The following DNAH14 variants were observed in gnomAD, a reference collection of about 807,000 sequenced individuals.
DNAH14 encodes the protein dynein axonemal heavy chain 14, also known as axonemal beta dynein heavy chain 14.
Under a neutral mutation model 520.9 loss-of-function variants are expected in DNAH14, and 478 were observed. The observed-to-expected ratio is 0.92, with a 90% CI of 0.85 to 0.99. DNAH14 has a LOEUF of 0.99. Ranked by LOEUF, DNAH14 falls within the 50% of genes least tolerant of loss-of-function variation. DNAH14 has a pLI of 0.00. For missense variants in DNAH14, 4,831 were observed against 5,234.5 expected (o/e 0.92, Z 2.38); for synonymous variants, 1,581 against 1,757.2 (o/e 0.90, Z 2.51).
At chr1:224,960,131 T>C (rs1222080611) in intron 3 of DNAH14, 22 bp from the exon 4 acceptor site, 1 of 1,550,168 alleles carries the variant, frequency 6.5e-7, no homozygotes, top group Admixed American at 2.1e-5. Context: ...AGTTATTCAG[T>C]TAATAATGGT....
chr1:224,976,435 T>A (rs1368113338), intron 8 of DNAH14, among the ~76,000 whole-genome samples: 1 of 152,164 alleles, frequency 6.6e-6, no homozygotes, highest in Admixed American at 6.5e-5. Context: ...GGGCAAGGAC[T>A]TCATGTCTAA....
chr1:225,083,689 A>G (rs188811418), intron 20 of DNAH14, among the ~76,000 whole-genome samples: 39 of 152,260 alleles, frequency 2.6e-4, no homozygotes, highest in Non-Finnish European at 4.9e-4. Flanking sequence ...CTTCTCTTTC[A>G]TAATCCTCAT....
chr1:225,047,909 A>G (rs1299273490), intron 15 of DNAH14, among the ~76,000 whole-genome samples: 1 of 152,188 alleles, frequency 6.6e-6, no homozygotes, highest in Non-Finnish European at 1.5e-5. Flanking sequence ...TTCTTTCAGT[A>G]ACCTGGTTGA....
chr1:225,220,126 C>T (rs1050699648), intron 41 of DNAH14, among the ~76,000 whole-genome samples: 2 of 152,138 alleles, frequency 1.3e-5, no homozygotes, highest in Non-Finnish European at 2.9e-5. Context: ...GCTAAAAACA[C>T]TCAATAAACT....
intron 41 of DNAH14, among the ~76,000 whole-genome samples, chr1:225,209,689 G>A (rs1416119319): frequency 6.6e-6 from 1 of 152,146 alleles, no homozygotes; most frequent in Non-Finnish European, 1.5e-5. Context: ...TATTTTTAAA[G>A]TGTTTTATAT....
At chr1:225,157,025 T>G (rs1333829415) in intron 34 of DNAH14, among the ~76,000 whole-genome samples, 1 of 152,218 alleles carries the variant, frequency 6.6e-6, no homozygotes, top group Non-Finnish European at 1.5e-5. Flanking sequence ...TTAAAATTCT[T>G]AATCACCTCT....
intron 5 of DNAH14, among the ~76,000 whole-genome samples, chr1:224,965,103 G>A (rs966038235): frequency 1.3e-5 from 2 of 151,916 alleles, no homozygotes; most frequent in Non-Finnish European, 2.9e-5. Flanking sequence ...ATTTTAGCTT[G>A]TCCAAGGTCA....
chr1:224,947,251 A>G (rs114688847), intron 1 of DNAH14, among the ~76,000 whole-genome samples: 11,684 of 152,122 alleles, frequency 0.077, 1,444 homozygotes, highest in African/African-American at 0.26. Flanking sequence ...TGTGATTTCC[A>G]TAATGTTATC....
chr1:225,228,350 A>C (rs1408469255), intron 41 of DNAH14, among the ~76,000 whole-genome samples: 2 of 152,196 alleles, frequency 1.3e-5, no homozygotes, highest in African/African-American at 2.4e-5. Flanking sequence ...AACAAGATGC[A>C]CTGGCATTCT....
At chr1:225,046,153 G>T (rs1022996865) in intron 15 of DNAH14, among the ~76,000 whole-genome samples, 9 of 151,202 alleles carry the variant, frequency 6.0e-5, no homozygotes, top group Non-Finnish European at 1.2e-4. Context: ...ATATATGTGT[G>T]TATATATATT....
At chr1:225,334,932 T>G (rs1005432047) in intron 66 of DNAH14, among the ~76,000 whole-genome samples, 1 of 150,318 alleles carries the variant, frequency 6.7e-6, no homozygotes, top group Admixed American at 6.7e-5. Flanking sequence ...ATAGCATATA[T>G]CTATACGATA....
intron 17 of DNAH14, among the ~76,000 whole-genome samples, chr1:225,078,859 C>CCTCTCTCTCTCTCT (rs752732306): frequency 5.3e-5 from 1 of 18,980 alleles, no homozygotes; most frequent in Non-Finnish European, 1.2e-4. Flanking sequence ...TCTCTCTCTC[C>CCTCTCTCTCTCTCT]CTCTCTCTCT....
At chr1:225,182,216 G>T (rs893731648) in intron 36 of DNAH14, among the ~76,000 whole-genome samples, 1 of 151,818 alleles carries the variant, frequency 6.6e-6, no homozygotes, top group African/African-American at 2.4e-5. Flanking sequence ...AAATAAAAAG[G>T]AATTAATTAA....
intron 34 of DNAH14, among the ~76,000 whole-genome samples, 200 bp downstream of exon 34, chr1:225,154,026 G>C (rs565556447): frequency 1.1e-4 from 16 of 151,734 alleles, no homozygotes; most frequent in Non-Finnish European, 1.8e-4. Context: ...CCCCAATAGA[G>C]AGCCTATTCT....
At chr1:225,171,043 C>G (rs1209071889) in intron 36 of DNAH14, among the ~76,000 whole-genome samples, 1 of 152,142 alleles carries the variant, frequency 6.6e-6, no homozygotes, top group Non-Finnish European at 1.5e-5. Flanking sequence ...GAAATGAAGG[C>G]AGAAATAAAG....
At position 225,358,619 on chromosome 1, in the gene DNAH14, G is replaced by A. The variant is rs1436001279; in HGVS notation, c.11743G>A (p.Ala3915Thr). 2 of 1,547,962 alleles carry A rather than the reference G, an allele frequency of 1.3e-6. No homozygotes were observed. Among genetic ancestry groups the A allele is most frequent in the East Asian group, 2.5e-5 (1 of 40,816 alleles). ...GAAAGATGCATATAAAGGATCCAAT[G>A]CCAGAACTCCGCTGATACTTATTCA... Reference protein sequence around the residue: ...NLKDAYKGSNARTPLILIQTH... With the variant: ...NLKDAYKGSNTRTPLILIQTH... Residue 3915 changes from alanine (A) to threonine (T), a missense_variant, in exon 74 of 86, where the codon GCC (alanine) becomes ACC (threonine). Ala to Thr is a moderately conservative substitution (Grantham distance 58, BLOSUM62 0). Transcript: ENST00000682510.
intron 51 of DNAH14, 62 bp downstream of exon 51, chr1:225,272,135 G>A: frequency 7.1e-7 from 1 of 1,415,430 alleles, no homozygotes; most frequent in Non-Finnish European, 9.5e-7. Context: ...CTCTCATACT[G>A]TCAACATTAG....
At chr1:225,331,200 T>TA (rs75255257) in intron 64 of DNAH14, among the ~76,000 whole-genome samples, 3,376 of 150,584 alleles carry the variant, frequency 0.022, 76 homozygotes, top group African/African-American at 0.06. Flanking sequence ...GCTAGGATTG[T>TA]AAAAAAAAAG....
At chr1:225,307,612 A>T (rs2094273838) in intron 59 of DNAH14, 43 bp downstream of exon 59, 1 of 1,430,660 alleles carries the variant, frequency 7.0e-7, no homozygotes, top group Non-Finnish European at 9.4e-7. Context: ...TTATAGTCTA[A>T]TATAGAACAG....
Sources: gnomAD v4.1 joint callset for allele counts (sites outside exome capture counted in the v4.1 genomes callset) on GRCh38, gnomAD v4.1.1 for gene constraint, MANE v1.5 for transcripts, NCBI Gene and HGNC (gene_info 2026-07-23, HGNC 2026-07-21) for gene names.